Variants in SDK2 observed in about 807,000 individuals in gnomAD.
The protein encoded by SDK2 is protein sidekick-2.
In SDK2, 105 loss-of-function variants were observed where a neutral mutation model predicts 253.9. The ratio of observed to expected loss-of-function variants is 0.41; its 90% CI spans 0.35 to 0.49. SDK2 has a LOEUF of 0.49. SDK2 is among the 20% of genes least tolerant of loss of function. SDK2 has a pLI of 0.06. For synonymous variants in SDK2, 1,249 were observed against 1,234.9 expected (o/e 1.01, Z -0.24); for missense variants, 2,608 against 3,003.0 (o/e 0.87, Z 3.07).
Position 73,387,858 on chromosome 17 carries a change from C to T in SDK2, c.4372G>A (p.Ala1458Thr). ...TACCTGTCCACAATGAAGCTGGAGGCATTGTGGCTCACGGAGGCCGAGTGC... is the reference window on the plus strand; with the variant it reads ...TACCTGTCCACAATGAAGCTGGAGGTATTGTGGCTCACGGAGGCCGAGTGC... ...ALHSASVSHNASSFIVDRLKP... is the reference protein window; with the variant it reads ...ALHSASVSHNTSSFIVDRLKP... The change falls in exon 30 of 45, where the codon GCC becomes ACC. Residue 1458 changes from alanine to threonine, a missense_variant. Around this residue, in one of 2 missense-constraint regions of SDK2, gnomAD observed 1,103 missense variants for 1,143.9 expected, o/e 0.96. Coordinates refer to ENST00000392650, the MANE Select transcript of SDK2 (RefSeq NM_001144952.2). The T allele has an allele frequency of 6.3e-7, 1 of 1,585,280 alleles. No homozygotes were observed. The highest frequency in any genetic ancestry group is 1.2e-5 in the South Asian group (1 of 86,712).
intron 1 of SDK2, among the ~76,000 whole-genome samples, chr17:73,543,096 C>T (rs1208266579): frequency 2.0e-5 from 3 of 152,176 alleles, no homozygotes; most frequent in Non-Finnish European, 4.4e-5. Context: ...GAAGGTCTTT[C>T]CCAGCTGTCA....
intron 32 of SDK2, 52 bp downstream of exon 32, chr17:73,385,795 G>C: frequency 1.3e-6 from 2 of 1,517,250 alleles, no homozygotes; most frequent in South Asian, 1.2e-5. Flanking sequence ...TCCAGTCCCA[G>C]AGCAGAGCTC....
intron 36 of SDK2, among the ~76,000 whole-genome samples, chr17:73,373,283 T>C (rs866913474): frequency 2.0e-5 from 3 of 152,354 alleles, no homozygotes; most frequent in Admixed American, 6.5e-5. Flanking sequence ...ACTCAGGCTA[T>C]TTCCACATCT....
rs146264192 is a variant in SDK2, at chr17:73,592,597, G to A, written c.64+51428C>T. Among the ~76,000 whole-genome samples the A allele has an allele frequency of 5.3e-5, 8 of 152,272 alleles. No individual in the cohort carries two copies. In the East Asian group the frequency reaches 1.4e-3, roughly 26 times the overall value. On this transcript the variant is annotated intron_variant, in intron 1 of 44. Transcript: ENST00000392650. The stretch of plus-strand genomic sequence containing the variant: ...AATGTGACTGTCTGGAGTCTAACCG[G>A]GGCACACCAGGAGCTGTCACCCTGA...
At chr17:73,355,174 ATTTTTT>A (rs770032791) in intron 40 of SDK2, among the ~76,000 whole-genome samples, 24,931 of 48,238 alleles carry the variant, frequency 0.52, 5,644 homozygotes, top group Admixed American at 0.65. Flanking sequence ...ATATATATAT[ATTTTTT>A]TTTTTTTTTT....
At chr17:73,504,406 T>G (rs1167383685) in intron 2 of SDK2, 2 of 151,636 alleles carry the variant, frequency 1.3e-5, no homozygotes, top group East Asian at 3.9e-4. Flanking sequence ...GATGGGCAGA[T>G]CACGAGGTCA....
chr17:73,593,261 C>G (rs570020346), intron 1 of SDK2, among the ~76,000 whole-genome samples: 8 of 152,300 alleles, frequency 5.3e-5, no homozygotes, highest in African/African-American at 1.7e-4. Flanking sequence ...CAGAGTTACT[C>G]CTGGGGGCCC....
chr17:73,491,374 C>CAT (rs2063805171), intron 2 of SDK2, among the ~76,000 whole-genome samples: 1 of 133,972 alleles, frequency 7.5e-6, no homozygotes, highest in Non-Finnish European at 1.6e-5. Context: ...TGTTTTTTGG[C>CAT]TTTTTTTTTT....
At chr17:73,457,331 CCCTCT>C (rs1428562060) in intron 3 of SDK2, among the ~76,000 whole-genome samples, 5 of 127,722 alleles carry the variant, frequency 3.9e-5, no homozygotes, top group African/African-American at 6.0e-5. Context: ...TCCTCCCCTC[CCCTCT>C]CCTCTCCTCT....
chr17:73,412,322 G>C (rs1026586687), intron 18 of SDK2, among the ~76,000 whole-genome samples: 1 of 150,334 alleles, frequency 6.7e-6, no homozygotes, highest in Non-Finnish European at 1.5e-5. Flanking sequence ...ATTTTTAGTA[G>C]AGATGGGATT....
chr17:73,552,776 T>C (rs770050072), intron 1 of SDK2, among the ~76,000 whole-genome samples: 1 of 152,170 alleles, frequency 6.6e-6, no homozygotes, highest in Non-Finnish European at 1.5e-5. Context: ...CAGACGAAGT[T>C]CCCTAAGCGA....
chr17:73,407,202 C>CA (rs1407688112), intron 18 of SDK2, among the ~76,000 whole-genome samples: 2 of 152,178 alleles, frequency 1.3e-5, no homozygotes, highest in African/African-American at 4.8e-5. Context: ...TCACTGAAAG[C>CA]AACAAGAGCC....
intron 2 of SDK2, among the ~76,000 whole-genome samples, chr17:73,473,505 A>G (rs2063666398): frequency 6.6e-6 from 1 of 152,158 alleles, no homozygotes; most frequent in African/African-American, 2.4e-5. Flanking sequence ...AAGTTCCTTG[A>G]CACCTGCCTC....
rs926371412 is a variant in SDK2, at chr17:73,481,310, G to T, written c.225-9092C>A. On this transcript the variant is annotated intron_variant, in intron 2 of 44. Coordinates refer to ENST00000392650, the MANE Select transcript of SDK2 (RefSeq NM_001144952.2). The surrounding 1 kb of genome is among the most constrained non-coding windows in gnomAD (Gnocchi z 4.5). ...GTTCCCCCCACCTTCTAGGGAACCT[G>T]AGGGTGGAGAGGGGGTACCCGCAGT... Among the ~76,000 whole-genome samples, 2 of 152,186 alleles carry T rather than the reference G, an allele frequency of 1.3e-5. No individual in the cohort carries two copies. The highest frequency in any genetic ancestry group is 6.5e-5 in the Admixed American group (1 of 15,284).
At chr17:73,388,066 G>A (rs2145489335) in intron 29 of SDK2, 29 bp from the exon 30 acceptor site, 2 of 1,526,254 alleles carry the variant, frequency 1.3e-6, no homozygotes, top group Non-Finnish European at 8.9e-7. Flanking sequence ...GGAGGAGCAG[G>A]TGAGTGGGCC....
chr17:73,427,642 C>CAAAAAAAAAAAA (rs9302965), intron 12 of SDK2, among the ~76,000 whole-genome samples: 5 of 105,800 alleles, frequency 4.7e-5, no homozygotes, highest in East Asian at 2.9e-4. Flanking sequence ...CATCCACATG[C>CAAAAAAAAAAAA]AAAAAAAAAA....
At chr17:73,526,052 C>T (rs772285362) in intron 1 of SDK2, among the ~76,000 whole-genome samples, 20 of 152,150 alleles carry the variant, frequency 1.3e-4, no homozygotes, top group Non-Finnish European at 1.5e-4. Flanking sequence ...CTGGCTGCTG[C>T]GGAGGCACAG....
intron 27 of SDK2, among the ~76,000 whole-genome samples, chr17:73,393,242 C>A (rs1389020213): frequency 5.6e-3 from 477 of 85,396 alleles, no homozygotes; most frequent in Middle Eastern, 0.012. Flanking sequence ...GATACTCTAT[C>A]AAAAAAAAAA....
At chr17:73,603,441 T>C (rs955288805) in intron 1 of SDK2, among the ~76,000 whole-genome samples, 5 of 152,194 alleles carry the variant, frequency 3.3e-5, no homozygotes, top group African/African-American at 4.8e-5. Flanking sequence ...CACTGATAAG[T>C]TGGAGAGACG....
Sources: allele counts gnomAD v4.1 joint callset (sites outside exome capture counted in the v4.1 genomes callset), GRCh38; gene constraint gnomAD v4.1.1; regional missense constraint gnomAD v4.1.1; non-coding constraint Gnocchi (gnomAD v3.1); transcripts MANE v1.5; gene names NCBI Gene and HGNC (gene_info 2026-07-23, HGNC 2026-07-21).